B3GNT3: variants seen among roughly 807,000 people sequenced by gnomAD.
B3GNT3 encodes the protein UDP-GlcNAc:betaGal beta-1,3-N-acetylglucosaminyltransferase 3, also known as N-acetyllactosaminide beta-1,3-N-acetylglucosaminyltransferase 3.
B3GNT3 carries 7 observed loss-of-function variants against 11.6 expected under a neutral mutation model. The observed-to-expected ratio is 0.60, with a 90% CI of 0.34 to 1.13. B3GNT3 has a LOEUF of 1.13. B3GNT3 is among the 50% of genes most tolerant of loss of function. The pLI, the probability that B3GNT3 is intolerant of heterozygous loss-of-function variation, is 0.03. For synonymous variants in B3GNT3, 201 were observed against 222.1 expected, an observed-to-expected ratio of 0.90 and a Z score of 0.85; for missense variants, 400 against 507.4, an observed-to-expected ratio of 0.79 and a Z score of 2.03.
Position 17,807,856 on chromosome 19 carries a change from A to T in B3GNT3, c.49A>T (p.Ile17Phe), listed in dbSNP as rs769163298. The change falls in exon 2 of 3, where the codon ATC (isoleucine) becomes TTC (phenylalanine). Residue 17 changes from isoleucine to phenylalanine, a missense_variant. Coordinates refer to ENST00000318683, the MANE Select transcript of B3GNT3 (RefSeq NM_014256.4). ...RRPNATLILA[I>F]GAFTLLLFSL... ...GCCCAATGCCACCCTCATTCTGGCC[A>T]TCGGCGCTTTCACCCTCCTCCTCTT... The T allele has an allele frequency of 5.0e-6, 8 of 1,613,104 alleles. No individual in the cohort carries two copies. The highest frequency in any genetic ancestry group is 6.8e-6 in the Non-Finnish European group (8 of 1,179,920).
intron 1 of B3GNT3, among the ~76,000 whole-genome samples, chr19:17,802,518 C>T (rs893681049): frequency 6.6e-6 from 1 of 152,032 alleles, no homozygotes; most frequent in Non-Finnish European, 1.5e-5. Context: ...ATGCTACAGA[C>T]ATCAGCAGTG....
intron 1 of B3GNT3, among the ~76,000 whole-genome samples, chr19:17,797,823 TTTC>T (rs1236535235): frequency 1.9e-5 from 2 of 108,098 alleles, no homozygotes; most frequent in Admixed American, 9.0e-5. Context: ...TACTGGGCTA[TTTC>T]TTCTTCTTTT....
Position 17,807,971 on chromosome 19 carries a change from G to GC in B3GNT3, c.167dup (p.Ala57SerfsTer46). 7.1e-6 allele frequency: 5 copies of GC among 705,762 alleles called. No individual in the cohort carries two copies. The highest frequency in any genetic ancestry group is 2.5e-5 in the South Asian group (1 of 39,896). 43.7% of individuals were successfully genotyped at this position (705,762 alleles called of 1,614,324 possible). ...CTGGCCTGGCCCACTCCACCCACCC[G>GC]CCCAGCCCCGGCCCCGTGCCATGCC... On this transcript the variant is annotated frameshift_variant, in exon 2 of 3. Transcript: ENST00000318683. LOFTEE classifies it high-confidence loss of function.
rs59881455 is a variant in B3GNT3, at chr19:17,800,983, G to GTA, written c.-51+5789_-51+5790dup. 8.0e-3 allele frequency among the ~76,000 whole-genome samples: 1,197 copies of GTA among 150,478 alleles called. 16 individuals carry two copies. Among genetic ancestry groups the GTA allele is most frequent in the African/African-American group, 0.027 (1,092 of 41,002 alleles). On this transcript the variant is annotated intron_variant, in intron 1 of 2. Transcript: ENST00000318683. Reference sequence around the variant, plus strand: ...GAGGCTCTATCTAAAATATATATATGTATATATATATATTCCTCATGATAA... The same window carrying GTA: ...GAGGCTCTATCTAAAATATATATATGTATATATATATATATTCCTCATGATAA...
chr19:17,806,832 G>T (rs1260956580), intron 1 of B3GNT3, among the ~76,000 whole-genome samples: 1 of 151,492 alleles, frequency 6.6e-6, no homozygotes, highest in Non-Finnish European at 1.5e-5. Flanking sequence ...CGTGCCTGTA[G>T]TCCCAGCTAC....
chr19:17,796,329 G>A (rs1040896492), intron 1 of B3GNT3, among the ~76,000 whole-genome samples: 1 of 152,184 alleles, frequency 6.6e-6, no homozygotes, highest in Non-Finnish European at 1.5e-5. Flanking sequence ...CTGGGCCCAA[G>A]CAATCCTCCT....
rs765897296 is a variant in B3GNT3, at chr19:17,808,129, T to C, written c.322T>C (p.Phe108Leu). Residue 108 changes from phenylalanine to leucine, a missense_variant, in exon 2 of 3, where the codon TTC becomes CTC. By Grantham distance (22) the Phe-to-Leu change is conservative. Transcript: ENST00000318683. ...VPPSKCAQPV[F>L]LLLVIKSSPS... ...CCCCTCTAAGTGCGCGCAGCCGGTC[T>C]TCCTGCTGCTGGTGATCAAGTCCTC... 3 of 1,613,752 alleles carry C rather than the reference T, an allele frequency of 1.9e-6. No individual in the cohort carries two copies. The Admixed American group carries it at 5.0e-5, about 27-fold the overall frequency.
chr19:17,808,505 C>T, intron 2 of B3GNT3, 131 bp downstream of exon 2: 1 of 977,156 alleles, frequency 1.0e-6, no homozygotes, highest in Non-Finnish European at 1.5e-6. Context: ...CCTCTGCTGT[C>T]CTCACCAGCC....
intron 1 of B3GNT3, among the ~76,000 whole-genome samples, chr19:17,806,639 G>A (rs1204938427): frequency 2.0e-5 from 3 of 152,098 alleles, no homozygotes; most frequent in Non-Finnish European, 4.4e-5. Context: ...CGTATGAGAT[G>A]GGCATACTGC....
chr19:17,798,113 C>T (rs947040582), intron 1 of B3GNT3, among the ~76,000 whole-genome samples: 17 of 152,348 alleles, frequency 1.1e-4, no homozygotes, highest in African/African-American at 3.8e-4. Context: ...CAGGGGCTCA[C>T]ACCCTCTCCT....
At position 17,812,346 on chromosome 19, in the gene B3GNT3, A is replaced by G. The variant is rs2094182269; in HGVS notation, c.*224A>G. 2 of 533,498 alleles carry G rather than the reference A, an allele frequency of 3.7e-6. No homozygotes were observed. Among genetic ancestry groups the G allele is most frequent in the Non-Finnish European group, 6.6e-6 (2 of 304,590 alleles). 33.0% of individuals were successfully genotyped at this position (533,498 alleles called of 1,614,324 possible). A position where few individuals can be genotyped will look rare whatever the true frequency, so the allele number is the denominator to read the frequency against. On this transcript the variant is annotated 3_prime_UTR_variant, in exon 3 of 3. Coordinates refer to ENST00000318683, the MANE Select transcript of B3GNT3 (RefSeq NM_014256.4). ...CTGGATGGCTGGAGGAACTCCAGAAAATATCCATCTTCTTTTTGTGGCTGC... is the reference window on the plus strand; with the variant it reads ...CTGGATGGCTGGAGGAACTCCAGAAGATATCCATCTTCTTTTTGTGGCTGC...
chr19:17,807,684 G>T (rs188354157), intron 1 of B3GNT3, 74 bp from the exon 2 acceptor site: 19 of 934,108 alleles, frequency 2.0e-5, no homozygotes, highest in Admixed American at 8.4e-5. Context: ...CTGTACAGGT[G>T]CAACCAGATG....
chr19:17,804,277 T>C (rs2094170102), intron 1 of B3GNT3, among the ~76,000 whole-genome samples: 1 of 146,290 alleles, frequency 6.8e-6, no homozygotes, highest in Admixed American at 6.8e-5. Flanking sequence ...TCTTGTTCTA[T>C]CGCCCAGGCT....
Position 17,812,424 on chromosome 19 carries a change from T to A in B3GNT3, c.*302T>A. 2.9e-6 allele frequency: 1 copy of A among 347,748 alleles called. No individual in the cohort carries two copies. Among genetic ancestry groups the A allele is most frequent in the Non-Finnish European group, 5.3e-6 (1 of 188,896 alleles). The allele number at this position is 347,748 out of a possible 1,614,324, so 21.5% of individuals were successfully genotyped here. On this transcript the variant is annotated 3_prime_UTR_variant, in exon 3 of 3. Transcript: ENST00000318683. ...TCCAACTGTGGATGCATCCGTCCCG[T>A]TTGAGTCAAAGTCTTACTTCCCTGC...
At chr19:17,800,935 G>A (rs1288392982) in intron 1 of B3GNT3, among the ~76,000 whole-genome samples, 1 of 151,508 alleles carries the variant, frequency 6.6e-6, no homozygotes, top group Admixed American at 6.6e-5. Context: ...AGATCGTGGC[G>A]CTGCACTTCA....
intron 2 of B3GNT3, among the ~76,000 whole-genome samples, chr19:17,810,868 C>T (rs2094179744): frequency 6.7e-6 from 1 of 150,348 alleles, no homozygotes; most frequent in Non-Finnish European, 1.5e-5. Flanking sequence ...GCAACAAAAG[C>T]GAAAACTCCA....
intron 1 of B3GNT3, among the ~76,000 whole-genome samples, chr19:17,798,475 A>T (rs1257667344): frequency 1.3e-5 from 2 of 152,178 alleles, no homozygotes; most frequent in Non-Finnish European, 2.9e-5. Context: ...GTTTGAGACC[A>T]GCCTAGGTGA....
At chr19:17,797,939 C>A (rs762598141) in intron 1 of B3GNT3, among the ~76,000 whole-genome samples, 13 of 152,172 alleles carry the variant, frequency 8.5e-5, no homozygotes, top group Non-Finnish European at 1.6e-4. Context: ...AGGAACCACC[C>A]ACAGGGGCTG....
chr19:17,804,100 C>T (rs1444521877), intron 1 of B3GNT3, among the ~76,000 whole-genome samples: 1 of 152,170 alleles, frequency 6.6e-6, no homozygotes, highest in African/African-American at 2.4e-5. Context: ...CTCCCACTGC[C>T]CAGAGGTTCC....
Sources: gnomAD v4.1 joint callset for allele counts (sites outside exome capture counted in the v4.1 genomes callset) on GRCh38, gnomAD v4.1.1 for gene constraint, MANE v1.5 for transcripts, NCBI Gene and HGNC (gene_info 2026-07-23, HGNC 2026-07-21) for gene names.